ARHGAP32: variants seen among roughly 807,000 people sequenced by gnomAD.
The protein encoded by ARHGAP32 is rho GTPase-activating protein 32.
ARHGAP32 carries 51 observed loss-of-function variants against 186.5 expected under a neutral mutation model. The observed-to-expected ratio is 0.27, with a 90% confidence interval of 0.22 to 0.35. The LOEUF (loss-of-function observed/expected upper bound fraction) is 0.35, where lower values mean the gene tolerates loss of function less well. Ranked by LOEUF, ARHGAP32 falls within the 10% of genes least tolerant of loss-of-function variation. The pLI, the probability that ARHGAP32 is intolerant of heterozygous loss-of-function variation, is 1.00. For missense variants in ARHGAP32, 2,186 were observed against 2,623.5 expected, an observed-to-expected ratio of 0.83 and a Z score of 3.64; for synonymous variants, 950 against 964.3, an observed-to-expected ratio of 0.99 and a Z score of 0.27.
At chr11:129,173,022 G>T (rs1943803744) in intron 1 of ARHGAP32, among the ~76,000 whole-genome samples, 1 of 149,222 alleles carries the variant, frequency 6.7e-6, no homozygotes. Context: ...TCCAGGGGCT[G>T]TTTTTTTGAA....
At chr11:129,071,660 C>T (rs927169003) in intron 6 of ARHGAP32, among the ~76,000 whole-genome samples, 1 of 152,022 alleles carries the variant, frequency 6.6e-6, no homozygotes. Context: ...ATGGAGGTTC[C>T]TCAAAAAACT....
chr11:128,999,473 C>G (rs1381979459), intron 11 of ARHGAP32, among the ~76,000 whole-genome samples: 1 of 152,138 alleles, frequency 6.6e-6, no homozygotes, highest in Non-Finnish European at 1.5e-5. Flanking sequence ...CCCCATTTGC[C>G]TTGTGATGTT....
At chr11:129,042,349 A>G (rs1409738207) in intron 10 of ARHGAP32, among the ~76,000 whole-genome samples, 1 of 152,130 alleles carries the variant, frequency 6.6e-6, no homozygotes, top group African/African-American at 2.4e-5. Context: ...ATGAGGTATC[A>G]TTATCAGACT....
chr11:128,994,198 A>G (rs1054212523), intron 12 of ARHGAP32, among the ~76,000 whole-genome samples: 1 of 151,162 alleles, frequency 6.6e-6, no homozygotes, highest in African/African-American at 2.4e-5. Context: ...CTTGTTGCCC[A>G]GACTGGAGTG....
At chr11:128,994,616 GC>G (rs1050086821) in intron 12 of ARHGAP32, among the ~76,000 whole-genome samples, 2 of 152,062 alleles carry the variant, frequency 1.3e-5, no homozygotes, top group Non-Finnish European at 2.9e-5. Flanking sequence ...ACCACACCCA[GC>G]CCCCTATGAA....
intron 22 of ARHGAP32, chr11:128,972,117 T>C (rs147373221): frequency 1.2e-5 from 2 of 165,052 alleles, no homozygotes; most frequent in South Asian, 2.0e-4. Flanking sequence ...TGGAAAAAAA[T>C]AAGAAAAAGC....
chr11:129,177,268 C>A (rs919211385), intron 1 of ARHGAP32, among the ~76,000 whole-genome samples: 6 of 152,104 alleles, frequency 3.9e-5, no homozygotes, highest in South Asian at 2.1e-4. Context: ...AGACCAATAA[C>A]AGGAGCTGAA....
intron 11 of ARHGAP32, among the ~76,000 whole-genome samples, chr11:129,021,494 G>A (rs1938591088): frequency 6.6e-6 from 1 of 152,018 alleles, no homozygotes; most frequent in Non-Finnish European, 1.5e-5. Flanking sequence ...TTACAACACA[G>A]AACCTGCTCA....
intron 11 of ARHGAP32, among the ~76,000 whole-genome samples, chr11:129,002,107 T>C (rs951711337): frequency 1.3e-5 from 2 of 152,180 alleles, no homozygotes; most frequent in Admixed American, 1.3e-4. Context: ...TAAATTTTAG[T>C]ATATTTTTTT....
At chr11:129,247,526 C>T (rs1230314908) in intron 1 of ARHGAP32, among the ~76,000 whole-genome samples, 1 of 152,110 alleles carries the variant, frequency 6.6e-6, no homozygotes, top group Non-Finnish European at 1.5e-5. Context: ...TATTAATCTG[C>T]CTTCAAAGAA....
Position 129,217,295 on chromosome 11 carries a change from T to A in ARHGAP32, c.-4-52868A>T, listed in dbSNP as rs79920269. 8.7e-3 allele frequency among the ~76,000 whole-genome samples: 1,330 copies of A among 152,270 alleles called. 4 individuals are homozygous for A. The highest frequency in any genetic ancestry group is 0.016 in the Non-Finnish European group (1,086 of 68,020). On this transcript the variant is annotated intron_variant, in intron 1 of 6. Coordinates refer to the ARHGAP32 transcript ENST00000525234. ...TATTGTTATAAGTAATCCAGAAACC[T>A]GTGGTCTATGCTCTGAAAACTAAGC...
At chr11:129,119,226 A>G (rs575510204) in intron 5 of ARHGAP32, among the ~76,000 whole-genome samples, 1 of 152,088 alleles carries the variant, frequency 6.6e-6, no homozygotes, top group African/African-American at 2.4e-5. Context: ...AAGATAAGGA[A>G]AGCAAGACCA....
At chr11:129,036,983 A>T (rs886759846) in intron 11 of ARHGAP32, among the ~76,000 whole-genome samples, 4 of 152,232 alleles carry the variant, frequency 2.6e-5, no homozygotes, top group African/African-American at 9.6e-5. Context: ...CCACTATGAA[A>T]CTATTAGAAC....
At position 129,252,837 on chromosome 11, in the gene ARHGAP32, C is replaced by G. The variant is rs190815066; in HGVS notation, c.-5+26309G>C. Among the ~76,000 whole-genome samples, 130 of 152,330 alleles carry G rather than the reference C, an allele frequency of 8.5e-4. 1 individual carries two copies. The highest frequency in any genetic ancestry group is 2.6e-3 in the African/African-American group (110 of 41,584). On this transcript the variant is annotated intron_variant, in intron 1 of 6. Transcript: ENST00000525234. ...GCCTTTGTAAACGCTAATCCCTCTACTCAGCATGGGCTAGCTCCTTTCTGG... is the reference window on the plus strand; with the variant it reads ...GCCTTTGTAAACGCTAATCCCTCTAGTCAGCATGGGCTAGCTCCTTTCTGG...
At chr11:129,072,907 T>A (rs1940915159) in intron 6 of ARHGAP32, among the ~76,000 whole-genome samples, 1 of 152,220 alleles carries the variant, frequency 6.6e-6, no homozygotes, top group Admixed American at 6.5e-5. Flanking sequence ...AGCCTCATTT[T>A]CTGGAGTAAG....
chr11:128,970,351 T>C lies in ARHGAP32; in HGVS notation c.4862A>G (p.Asp1621Gly). The C allele has an allele frequency of 1.2e-6, 2 of 1,614,156 alleles. No individual in the cohort carries two copies. The highest frequency in any genetic ancestry group is 1.7e-6 in the Non-Finnish European group (2 of 1,180,024). ...TCTTGGGCAGTAGGCTGGCTCATCA[T>C]CTGGGGGAACTTCTGTCCGTGAAAT... ...VPISRTEVPPDDEPAYCPRPL... is the reference protein window; with the variant it reads ...VPISRTEVPPGDEPAYCPRPL... Residue 1621 changes from aspartate (D) to glycine (G), a missense_variant, in exon 23 of 23, where the codon GAT becomes GGT. Coordinates refer to ENST00000682385, the MANE Select transcript of ARHGAP32 (RefSeq NM_001378024.1). The surrounding 1 kb of genome is among the most constrained non-coding windows in gnomAD (Gnocchi z 5.8).
intron 11 of ARHGAP32, among the ~76,000 whole-genome samples, chr11:129,012,405 C>G (rs1423866269): frequency 6.6e-6 from 1 of 152,196 alleles, no homozygotes; most frequent in Non-Finnish European, 1.5e-5. Context: ...GCTCTATCCA[C>G]TTTAAAAGGC....
chr11:128,972,709 G>C lies in ARHGAP32; in HGVS notation c.3797C>G (p.Pro1266Arg). 6.2e-7 allele frequency: 1 copy of C among 1,614,032 alleles called. No individual in the cohort carries two copies. Residue 1266 changes from proline (P) to arginine (R), a missense_variant, in exon 22 of 23, where the codon CCC becomes CGC. Pro to Arg is a moderately radical substitution (Grantham distance 103). This residue lies in a region of ARHGAP32 where 1,502 missense variants were observed against 1,570.0 expected (regional missense o/e 0.96). Transcript: ENST00000682385. ...SDKIYPPSGS[P>R]EENTSTATMT... is the part of the protein sequence containing the mutation. ...GGTGGCTGTGCTGGTATTCTCTTCG[G>C]GGGACCCAGAAGGAGGGTAGATTTT...
At chr11:129,013,319 T>C (rs1290773544) in intron 11 of ARHGAP32, among the ~76,000 whole-genome samples, 1 of 152,214 alleles carries the variant, frequency 6.6e-6, no homozygotes, top group East Asian at 1.9e-4. Context: ...CATTGCTACG[T>C]AGATTAGAAC....
Sources: gnomAD v4.1 joint callset for allele counts (sites outside exome capture counted in the v4.1 genomes callset) on GRCh38, gnomAD v4.1.1 for gene constraint, gnomAD v4.1.1 regional missense constraint, Gnocchi (gnomAD v3.1) non-coding constraint, MANE v1.5 for transcripts, NCBI Gene and HGNC (gene_info 2026-07-23, HGNC 2026-07-21) for gene names.